Variants in GSDME observed in about 807,000 individuals in gnomAD.
GSDME encodes gasdermin-E.
Under a neutral mutation model 47.5 loss-of-function variants are expected in GSDME, and 44 were observed. That is an observed-to-expected ratio of 0.93 (90% CI 0.73 to 1.19). GSDME has a LOEUF of 1.19. Ranked by LOEUF, GSDME falls within the 50% of genes most tolerant of loss-of-function variation. The pLI is 0.00. For synonymous variants in GSDME, 258 were observed against 252.8 expected (o/e 1.02, Z -0.20); for missense variants, 663 against 604.2 (o/e 1.10, Z -1.02).
chr7:24,766,371 G>A, the GSDME span, among the ~76,000 whole-genome samples: 19 of 151,824 alleles, frequency 1.3e-4, no homozygotes, highest in African/African-American at 4.6e-4. This position sits in a 1 kb window ranked among gnomAD's most constrained non-coding sequence, Gnocchi z 4.2. Context: ...TGTTACACAG[G>A]TATACATGTG....
intron 1 of GSDME, among the ~76,000 whole-genome samples, chr7:24,753,878 A>G (rs1246589836): frequency 6.6e-6 from 1 of 152,214 alleles, no homozygotes. Context: ...AGAGTTTATC[A>G]TGCAGCATTA....
At chr7:24,703,709 C>G (rs1788975625) in intron 8 of GSDME, 6 of 152,368 alleles carry the variant, frequency 3.9e-5, no homozygotes. Context: ...GGCTCGTTCT[C>G]AAGAGAGAGT....
At chr7:24,702,049 G>A (rs913304417) in intron 9 of GSDME, among the ~76,000 whole-genome samples, 2 of 152,144 alleles carry the variant, frequency 1.3e-5, no homozygotes, top group Non-Finnish European at 2.9e-5. Context: ...TAGTAATTAG[G>A]CCTTAAAATA....
At chr7:24,703,888 G>C (rs148192773) in intron 8 of GSDME, 158 of 152,298 alleles carry the variant, frequency 1.0e-3, no homozygotes, top group African/African-American at 3.6e-3. Context: ...GTGGCCTAGC[G>C]TATCCAGCTG....
rs1789294176 is a variant in GSDME at position 24,710,253 on chromosome 7, T to G, written c.833A>C (p.Gln278Pro). Residue 278 changes from glutamine to proline, a missense_variant, in exon 6 of 10, where the codon CAG becomes CCG. Transcript: ENST00000645220. ...MPDAAHGISS[Q>P]DGPLSVLKQA... The stretch of plus-strand genomic sequence containing the variant: ...CTTTAAAACACTTAATGGTCCATCC[T>G]GGGAAGATATCCCATGCGCAGCATC... 2 of 1,614,174 alleles carry G rather than the reference T, an allele frequency of 1.2e-6. No homozygotes were observed. The highest frequency in any genetic ancestry group is 1.7e-6 in the Non-Finnish European group (2 of 1,180,046).
chr7:24,767,837 A>T, the GSDME span, among the ~76,000 whole-genome samples: 2 of 152,232 alleles, frequency 1.3e-5, no homozygotes, highest in African/African-American at 4.8e-5. This position sits in a 1 kb window ranked among gnomAD's most constrained non-coding sequence, Gnocchi z 5.3. Context: ...TAGAAAGTGC[A>T]GAAAAAATGC....
upstream of GSDME, among the ~76,000 whole-genome samples, chr7:24,760,804 T>G (rs1353181146): frequency 6.6e-6 from 1 of 152,254 alleles, no homozygotes; most frequent in African/African-American, 2.4e-5. This position sits in a 1 kb window ranked among gnomAD's most constrained non-coding sequence, Gnocchi z 4.2. Flanking sequence ...TGCATATTAC[T>G]AATTACTGCT....
At chr7:24,703,266 G>A (rs1252971852) in intron 8 of GSDME, 3 of 329,290 alleles carry the variant, frequency 9.1e-6, no homozygotes, top group South Asian at 5.3e-5. Context: ...TTTTGCATAT[G>A]TCAGAATACT....
At chr7:24,775,336 T>G in the GSDME span, among the ~76,000 whole-genome samples, 1 of 152,262 alleles carries the variant, frequency 6.6e-6, no homozygotes, top group Non-Finnish European at 1.5e-5. Flanking sequence ...TTGATATATG[T>G]TATTTTACTA....
rs758735818 is a variant in GSDME at position 24,706,364 on chromosome 7, C to T, written c.1003G>A (p.Val335Ile). 3 of 1,612,848 alleles carry T rather than the reference C, an allele frequency of 1.9e-6. No individual in the cohort carries two copies. Among genetic ancestry groups the T allele is most frequent in the Non-Finnish European group, 1.7e-6 (2 of 1,179,964 alleles). The change falls in exon 8 of 10, where the codon GTC (valine) becomes ATC (isoleucine). Residue 335 changes from valine to isoleucine, a missense_variant. By Grantham distance (29) the Val-to-Ile change is conservative (BLOSUM62 3). Coordinates refer to ENST00000645220, the MANE Select transcript of GSDME (RefSeq NM_001127453.2). ...MVLEPVCDDLVSGLSPTVAVL... is the reference protein window; with the variant it reads ...MVLEPVCDDLISGLSPTVAVL... ...GCCACTGTGGGCGAGAGGCCGCTGA[C>T]CAGGTCATCGCACTGTAGGGCAGGG... is the stretch of plus-strand genomic sequence containing the variant.
chr7:24,755,603 G>A (rs1264018116), intron 1 of GSDME, among the ~76,000 whole-genome samples: 1 of 152,220 alleles, frequency 6.6e-6, no homozygotes, highest in Non-Finnish European at 1.5e-5. Context: ...CTGACAGTGT[G>A]TTCCTGGAGG....
Position 24,750,960 on chromosome 7 carries a change from T to C in GSDME, c.-19-1167A>G, listed in dbSNP as rs111361900. On this transcript the variant is annotated intron_variant, in intron 1 of 9. Coordinates refer to ENST00000645220, the MANE Select transcript of GSDME (RefSeq NM_001127453.2). The stretch of plus-strand genomic sequence containing the variant: ...CTGAATTCCTCTCCCATACCATAAA[T>C]AAAGCAAATTCCCAATGAAATCAAG... Among the ~76,000 whole-genome samples the C allele has an allele frequency of 1.4e-4, 21 of 152,146 alleles. 1 individual carries two copies. The highest frequency in any genetic ancestry group is 4.8e-4 in the African/African-American group (20 of 41,506).
At chr7:24,699,937 T>TTTAA (rs767459704) in intron 9 of GSDME, among the ~76,000 whole-genome samples, 6 of 152,198 alleles carry the variant, frequency 3.9e-5, no homozygotes, top group Non-Finnish European at 8.8e-5. Context: ...CATAGTTTAG[T>TTTAA]TTAATTATCC....
Position 24,714,871 on chromosome 7 carries a change from C to A in GSDME, c.697+2383G>T, listed in dbSNP as rs543849295. On this transcript the variant is annotated intron_variant, in intron 5 of 9. Coordinates refer to ENST00000645220, the MANE Select transcript of GSDME (RefSeq NM_001127453.2). The surrounding 1 kb of genome is among the most constrained non-coding windows in gnomAD (Gnocchi z 5.0). ...GCCACCGAAGGGTCCGCAGAGCACT[C>A]CTGGGCATCCTCAGGTGCATGCCAA... Among the ~76,000 whole-genome samples, 4 of 152,296 alleles carry A rather than the reference C, an allele frequency of 2.6e-5. No homozygotes were observed. Among genetic ancestry groups the A allele is most frequent in the African/African-American group, 9.6e-5 (4 of 41,556 alleles).
the GSDME span, among the ~76,000 whole-genome samples, chr7:24,788,105 C>T: frequency 5.3e-5 from 8 of 152,324 alleles, no homozygotes; most frequent in East Asian, 9.6e-4. The surrounding 1 kb of genome is among the most constrained non-coding windows in gnomAD (Gnocchi z 4.6). Context: ...GGCTCTTATG[C>T]GTATCTACTT....
chr7:24,791,440 T>C, the GSDME span, among the ~76,000 whole-genome samples: 1 of 152,188 alleles, frequency 6.6e-6, no homozygotes, highest in Admixed American at 6.5e-5. The surrounding 1 kb of genome is among the most constrained non-coding windows in gnomAD (Gnocchi z 4.8). Flanking sequence ...CCTAGCATTG[T>C]GCTGCTAGGA....
At chr7:24,793,927 G>A in the GSDME span, among the ~76,000 whole-genome samples, 5 of 152,116 alleles carry the variant, frequency 3.3e-5, no homozygotes, top group Admixed American at 6.5e-5. Context: ...GGCCATCCAC[G>A]GGTTACTGGG....
intron 9 of GSDME, among the ~76,000 whole-genome samples, chr7:24,701,532 A>G (rs1788870345): frequency 1.3e-5 from 2 of 152,320 alleles, no homozygotes; most frequent in South Asian, 2.1e-4. Flanking sequence ...CTTCAGTTGC[A>G]GTTGATGAAT....
intron 8 of GSDME, 47 bp from the exon 9 acceptor site, chr7:24,702,880 T>C (rs1204152862): frequency 6.5e-7 from 1 of 1,547,816 alleles, no homozygotes; most frequent in Non-Finnish European, 8.9e-7. Flanking sequence ...AACAAGTCCA[T>C]GGGAACAGAG....
Sources: gnomAD v4.1 joint callset for allele counts (sites outside exome capture counted in the v4.1 genomes callset) on GRCh38, gnomAD v4.1.1 for gene constraint, Gnocchi (gnomAD v3.1) non-coding constraint, MANE v1.5 for transcripts, NCBI Gene and HGNC (gene_info 2026-07-23, HGNC 2026-07-21) for gene names.